COL19A1: variants seen among roughly 807,000 people sequenced by gnomAD.
COL19A1 encodes collagen type XIX alpha 1 chain.
Under a neutral mutation model 190.2 loss-of-function variants are expected in COL19A1, and 159 were observed. The ratio of observed to expected loss-of-function variants is 0.84; its 90% confidence interval spans 0.73 to 0.95. The LOEUF (loss-of-function observed/expected upper bound fraction) is 0.95. Among genes scored for constraint, COL19A1 ranks in the 40% least tolerant of loss-of-function variants. The pLI, the probability that COL19A1 is intolerant of heterozygous loss-of-function variation, is 0.00. For missense variants in COL19A1, 1,418 were observed against 1,431.9 expected (o/e 0.99, Z 0.16); for synonymous variants, 509 against 458.9 (o/e 1.11, Z -1.39).
intron 2 of COL19A1, among the ~76,000 whole-genome samples, chr6:69,888,423 A>G (rs1769092645): frequency 1.3e-5 from 2 of 152,036 alleles, no homozygotes; most frequent in African/African-American, 4.8e-5. Context: ...AACTCTTTCT[A>G]GTTTGAAGGA....
intron 4 of COL19A1, among the ~76,000 whole-genome samples, chr6:69,907,409 C>T (rs1409316789): frequency 1.3e-5 from 2 of 152,154 alleles, no homozygotes; most frequent in East Asian, 3.9e-4. Flanking sequence ...GGATTACAGG[C>T]ATGAGCCACT....
chr6:69,954,265 A>C (rs965556060), intron 9 of COL19A1, among the ~76,000 whole-genome samples: 1 of 151,976 alleles, frequency 6.6e-6, no homozygotes, highest in Non-Finnish European at 1.5e-5. Context: ...GAGTGTGTCT[A>C]TACACCCTGC....
intron 15 of COL19A1, among the ~76,000 whole-genome samples, chr6:70,090,483 A>C (rs1782847051): frequency 6.6e-6 from 1 of 151,698 alleles, no homozygotes; most frequent in Non-Finnish European, 1.5e-5. Flanking sequence ...ATTTTATATA[A>C]GATACTTGAA....
chr6:70,001,900 A>G (rs746587488), intron 11 of COL19A1, among the ~76,000 whole-genome samples: 34 of 152,134 alleles, frequency 2.2e-4, no homozygotes, highest in Non-Finnish European at 4.6e-4. Flanking sequence ...TTCTGATACT[A>G]TGTTGAATAG....
Position 70,207,199 on chromosome 6 carries a change from A to C in COL19A1, c.3354A>C (p.Gly1118=), listed in dbSNP as rs759861953. The change falls in exon 51 of 51, where the codon GGA becomes GGC. Residue 1118 remains glycine, a synonymous_variant. Coordinates refer to ENST00000620364, the MANE Select transcript of COL19A1 (RefSeq NM_001858.6). ...CCCCAGGCCCACAGGGCCCCCCAGG[A>C]CCCAGTGGAAGATGTAACCCAGAAG... is the stretch of plus-strand genomic sequence containing the variant. The part of the protein sequence containing the change: ...PGAPGPQGPP[G]PSGRCNPEDC... 1.9e-6 allele frequency: 3 copies of C among 1,613,576 alleles called. No homozygotes were observed. The African/African-American group carries it at 4.0e-5, about 22-fold the overall frequency.
In COL19A1 at chr6:70,147,113, T is replaced by C. The variant is rs564041084; in HGVS notation, c.1893+224T>C. On this transcript the variant is annotated intron_variant, in intron 27 of 50. Coordinates refer to ENST00000620364, the MANE Select transcript of COL19A1 (RefSeq NM_001858.6). ...GATGCTGGTCACACATACACTAAGT[T>C]TGGATTAGAAGCAGTCATTTAACCC... Among the ~76,000 whole-genome samples the C allele has an allele frequency of 3.3e-5, 5 of 152,284 alleles. No homozygotes were observed. The South Asian group carries it at 8.3e-4, about 25-fold the overall frequency.
chr6:70,076,696 T>G (rs748814454), intron 15 of COL19A1, among the ~76,000 whole-genome samples: 2 of 152,186 alleles, frequency 1.3e-5, no homozygotes, highest in Non-Finnish European at 2.9e-5. Context: ...CCCTCAGGTA[T>G]ATTATGGGAT....
intron 37 of COL19A1, among the ~76,000 whole-genome samples, chr6:70,167,401 T>A (rs971652474): frequency 3.9e-5 from 6 of 152,236 alleles, no homozygotes; most frequent in African/African-American, 1.2e-4. Flanking sequence ...ATGATTTTTT[T>A]AAACTATAGA....
In COL19A1 at chr6:70,206,634, C is replaced by CAA. The variant is rs34634051; in HGVS notation, c.3224-247_3224-246dup. On this transcript the variant is annotated intron_variant, in intron 49 of 50. Transcript: ENST00000620364. ...TGAGTGACAGAGCAGGACTCTGTCT[C>CAA]AAAAAAAAAAAAAAAAAAAAAGTTT... Among the ~76,000 whole-genome samples, 385 of 101,484 alleles carry CAA rather than the reference C, an allele frequency of 3.8e-3. 4 individuals are homozygous for CAA. Among genetic ancestry groups the CAA allele is most frequent in the East Asian group, 5.9e-3 (21 of 3,578 alleles). 66.6% of individuals were successfully genotyped at this position (101,484 alleles called of 152,430 possible). A position where few individuals can be genotyped will look rare whatever the true frequency, so the allele number is the denominator to read the frequency against.
At chr6:70,153,364 T>C (rs763796429) in intron 31 of COL19A1, among the ~76,000 whole-genome samples, 2 of 152,176 alleles carry the variant, frequency 1.3e-5, no homozygotes, top group African/African-American at 4.8e-5. Context: ...AAAGGCCTTC[T>C]TCTAGATTAA....
intron 4 of COL19A1, among the ~76,000 whole-genome samples, chr6:69,917,360 A>G (rs1226804590): frequency 6.6e-6 from 1 of 152,178 alleles, no homozygotes; most frequent in Admixed American, 6.5e-5. Context: ...AAGATAACAT[A>G]GATTTTATGC....
intron 11 of COL19A1, among the ~76,000 whole-genome samples, chr6:69,983,015 AATAAATAT>A (rs1314449939): frequency 1.3e-4 from 20 of 148,712 alleles, no homozygotes; most frequent in East Asian, 3.9e-4. Flanking sequence ...TAAATAAATA[AATAAATAT>A]AAAATAAAAT....
In COL19A1 at chr6:70,211,078, A is replaced by G. The variant is rs1281999734; in HGVS notation, c.*3804A>G. On this transcript the variant is annotated 3_prime_UTR_variant, in exon 51 of 51. Transcript: ENST00000620364. The stretch of plus-strand genomic sequence containing the variant: ...ACAGACAAGAAAAAAGATTTAGCTT[A>G]TCACAAGAAGCAGACAATTTATAAA... Among the ~76,000 whole-genome samples the G allele has an allele frequency of 6.6e-6, 1 of 152,160 alleles. No individual in the cohort carries two copies. The highest frequency in any genetic ancestry group is 2.4e-5 in the African/African-American group (1 of 41,454).
chr6:70,160,815 A>C (rs984394135), intron 34 of COL19A1, among the ~76,000 whole-genome samples: 2 of 152,152 alleles, frequency 1.3e-5, no homozygotes, highest in Admixed American at 1.3e-4. Flanking sequence ...CCCATCTTTT[A>C]GGAAGTACAT....
At chr6:70,113,915 A>T (rs1784420260) in intron 16 of COL19A1, among the ~76,000 whole-genome samples, 1 of 124,818 alleles carries the variant, frequency 8.0e-6, no homozygotes, top group Admixed American at 1.1e-4. Context: ...TAGTGGCGTG[A>T]TCTCAGCTAA....
At position 69,948,037 on chromosome 6, in the gene COL19A1, A is replaced by G. The variant is rs1175179663; in HGVS notation, c.936+9937A>G. On this transcript the variant is annotated intron_variant, in intron 9 of 50. Transcript: ENST00000620364. ...TTCAAAGTTCTAATTCTTTAAAAAT[A>G]TCTTTTCTCTAGAGAATATTACTTG... Among the ~76,000 whole-genome samples the G allele has an allele frequency of 2.6e-5, 4 of 151,972 alleles. No individual in the cohort carries two copies. The South Asian group carries it at 8.3e-4, about 31-fold the overall frequency.
intron 34 of COL19A1, among the ~76,000 whole-genome samples, chr6:70,159,319 A>C (rs1787636294): frequency 6.6e-6 from 1 of 152,016 alleles, no homozygotes. Flanking sequence ...TGCATCTATA[A>C]ACCTGCATAC....
chr6:70,183,274 T>G (rs185337614), intron 44 of COL19A1, among the ~76,000 whole-genome samples: 3 of 152,224 alleles, frequency 2.0e-5, no homozygotes, highest in African/African-American at 7.2e-5. Context: ...GTAGGCAGAA[T>G]GTACCCAGGA....
chr6:70,013,590 A>G (rs149448251), intron 11 of COL19A1, among the ~76,000 whole-genome samples: 8 of 44,056 alleles, frequency 1.8e-4, no homozygotes, highest in African/African-American at 3.9e-4. Flanking sequence ...ACACCTCTAC[A>G]CAAATAAACT....
Sources: gnomAD v4.1 joint callset for allele counts (sites outside exome capture counted in the v4.1 genomes callset) on GRCh38, gnomAD v4.1.1 for gene constraint, MANE v1.5 for transcripts, NCBI Gene and HGNC (gene_info 2026-07-23, HGNC 2026-07-21) for gene names.